AK4: variants seen among roughly 807,000 people sequenced by gnomAD.
AK4 encodes the protein adenylate kinase 4.
AK4 carries 13 observed loss-of-function variants against 24.6 expected under a neutral mutation model. The observed-to-expected ratio is 0.53, with a 90% CI of 0.34 to 0.84. AK4 has a LOEUF of 0.84. Among genes scored for constraint, AK4 ranks in the 40% least tolerant of loss-of-function variants. The pLI is 0.01. For synonymous variants in AK4, 88 were observed against 107.0 expected, an observed-to-expected ratio of 0.82 and a Z score of 1.10; for missense variants, 192 against 288.2, an observed-to-expected ratio of 0.67 and a Z score of 2.42.
intron 4 of AK4, among the ~76,000 whole-genome samples, chr1:65,225,761 C>T (rs1037365258): frequency 1.3e-5 from 2 of 152,022 alleles, no homozygotes; most frequent in Admixed American, 6.6e-5. Context: ...CAGTGGTTCG[C>T]TTTTGAAAAT....
At chr1:65,151,835 A>G (rs1649780654) in intron 1 of AK4, among the ~76,000 whole-genome samples, 1 of 152,170 alleles carries the variant, frequency 6.6e-6, no homozygotes, top group Non-Finnish European at 1.5e-5. Flanking sequence ...TACACTGCCT[A>G]GAGTGGTACA....
At chr1:65,187,130 C>G (rs771159519) in intron 1 of AK4, among the ~76,000 whole-genome samples, 1 of 151,572 alleles carries the variant, frequency 6.6e-6, no homozygotes. Flanking sequence ...GAGGCTGAGG[C>G]GGGCGGATCA....
intron 1 of AK4, among the ~76,000 whole-genome samples, chr1:65,179,625 A>T (rs765123936): frequency 2.0e-5 from 3 of 151,690 alleles, no homozygotes; most frequent in Non-Finnish European, 4.4e-5. Flanking sequence ...GATCCCTTGA[A>T]CTCAAGAGTT....
intron 1 of AK4, among the ~76,000 whole-genome samples, chr1:65,163,550 A>C (rs1307607508): frequency 1.3e-5 from 2 of 152,208 alleles, no homozygotes; most frequent in African/African-American, 4.8e-5. Context: ...AGACTCAGCT[A>C]TTGTTATAGT....
chr1:65,200,126 T>TTGTTC (rs1027417320), intron 2 of AK4, among the ~76,000 whole-genome samples: 5 of 151,956 alleles, frequency 3.3e-5, no homozygotes, highest in Non-Finnish European at 7.4e-5. Flanking sequence ...TTGTTTTGTT[T>TTGTTC]TGTTTTGTCA....
intron 2 of AK4, among the ~76,000 whole-genome samples, chr1:65,199,086 CAAAAAAA>C (rs34278926): frequency 9.6e-6 from 1 of 104,166 alleles, no homozygotes. Flanking sequence ...GACTCCGCCT[CAAAAAAA>C]AAAAAAAAAA....
At chr1:65,155,309 C>T (rs1455720100) in intron 1 of AK4, among the ~76,000 whole-genome samples, 1 of 151,828 alleles carries the variant, frequency 6.6e-6, no homozygotes, top group Non-Finnish European at 1.5e-5. Context: ...TCTGGCTCTA[C>T]TAAAAATACA....
At chr1:65,148,193 C>A, upstream of AK4, 3 of 1,004,352 alleles carry the variant, frequency 3.0e-6, no homozygotes, top group Non-Finnish European at 4.2e-6. Context: ...GGAGGTGTAG[C>A]GTGGCGCTCA....
intron 1 of AK4, among the ~76,000 whole-genome samples, chr1:65,179,480 T>C (rs1188871130): frequency 3.9e-5 from 6 of 152,332 alleles, no homozygotes; most frequent in Middle Eastern, 3.4e-3. Context: ...ATCTAAGAAA[T>C]AGGGAATATT....
intron 1 of AK4, among the ~76,000 whole-genome samples, chr1:65,183,978 C>G (rs778029069): frequency 6.6e-6 from 1 of 152,124 alleles, no homozygotes; most frequent in Non-Finnish European, 1.5e-5. Context: ...GGAGAGATGA[C>G]CAACTTAATA....
At chr1:65,210,905 C>T (rs1651953617) in intron 2 of AK4, among the ~76,000 whole-genome samples, 1 of 152,164 alleles carries the variant, frequency 6.6e-6, no homozygotes, top group African/African-American at 2.4e-5. Flanking sequence ...GGTTAAGCAA[C>T]CAGGGTCACA....
chr1:65,204,073 A>G (rs1199947848), intron 2 of AK4, among the ~76,000 whole-genome samples: 1 of 152,232 alleles, frequency 6.6e-6, no homozygotes, highest in African/African-American at 2.4e-5. Context: ...AAATTCCACC[A>G]GCCAGAAACA....
intron 1 of AK4, among the ~76,000 whole-genome samples, chr1:65,160,119 G>A (rs942628409): frequency 9.9e-5 from 15 of 152,078 alleles, no homozygotes; most frequent in Non-Finnish European, 1.8e-4. Context: ...CCATTATGTC[G>A]TGCTGACATC....
At chr1:65,151,022 C>T (rs1014808611) in intron 1 of AK4, among the ~76,000 whole-genome samples, 2 of 152,106 alleles carry the variant, frequency 1.3e-5, no homozygotes, top group East Asian at 1.9e-4. Flanking sequence ...GGCGCTATCT[C>T]GGCTCGCTGC....
At chr1:65,175,168 G>A (rs1650670109) in intron 1 of AK4, among the ~76,000 whole-genome samples, 1 of 152,206 alleles carries the variant, frequency 6.6e-6, no homozygotes. Context: ...CTTGCTGGCT[G>A]TTGAAGGATG....
At chr1:65,183,345 G>A (rs1161232543) in intron 1 of AK4, among the ~76,000 whole-genome samples, 1 of 152,056 alleles carries the variant, frequency 6.6e-6, no homozygotes, top group African/African-American at 2.4e-5. Flanking sequence ...CTGCCTCCTG[G>A]GTTCAAGTGA....
intron 1 of AK4, among the ~76,000 whole-genome samples, chr1:65,158,339 T>TA (rs1650044037): frequency 6.6e-6 from 1 of 152,182 alleles, no homozygotes; most frequent in African/African-American, 2.4e-5. Flanking sequence ...AGTAAATTGT[T>TA]AAATGGTATT....
chr1:65,188,842 T>C (rs1301076371), intron 1 of AK4, among the ~76,000 whole-genome samples: 1 of 152,096 alleles, frequency 6.6e-6, no homozygotes, highest in Non-Finnish European at 1.5e-5. Context: ...TGGCACGATC[T>C]TGGCTCACTG....
intron 2 of AK4, among the ~76,000 whole-genome samples, chr1:65,195,906 C>T (rs1019057820): frequency 2.6e-5 from 4 of 152,128 alleles, no homozygotes; most frequent in Admixed American, 6.6e-5. Flanking sequence ...TCTATCTTTT[C>T]AGTGCTTGCT....
Sources: gnomAD v4.1 joint callset for allele counts (sites outside exome capture counted in the v4.1 genomes callset) on GRCh38, gnomAD v4.1.1 for gene constraint, MANE v1.5 for transcripts, NCBI Gene and HGNC (gene_info 2026-07-23, HGNC 2026-07-21) for gene names.